PPP2R2C: variants seen among roughly 807,000 people sequenced by gnomAD.
PPP2R2C encodes protein phosphatase 2, regulatory subunit B, gamma.
A neutral mutation model predicts 45.3 loss-of-function variants in PPP2R2C; 10 were observed. That is an observed-to-expected ratio of 0.22 (90% CI 0.14 to 0.37). The LOEUF is 0.37. Among genes scored for constraint, PPP2R2C ranks in the 10% least tolerant of loss-of-function variants. PPP2R2C has a pLI of 1.00. For missense variants in PPP2R2C, 308 were observed against 619.7 expected (o/e 0.50, Z 5.34); for synonymous variants, 257 against 245.4 (o/e 1.05, Z -0.44).
intron 2 of PPP2R2C, among the ~76,000 whole-genome samples, chr4:6,528,907 C>T (rs945922640): frequency 6.6e-6 from 1 of 152,232 alleles, no homozygotes; most frequent in Non-Finnish European, 1.5e-5. Context: ...CCCCTATCTC[C>T]CTTTGCTGAC....
chr4:6,350,915 G>A (rs1025399264), intron 5 of PPP2R2C: 5 of 985,404 alleles, frequency 5.1e-6, no homozygotes, highest in Non-Finnish European at 6.0e-6. Flanking sequence ...CCTTCAGGTT[G>A]TTTGCTACCA....
rs1048844460 is a variant in PPP2R2C, at chr4:6,563,254, A to G, written c.-59+306T>C. ...CGCGCGGCGAGCAAGTGCTGGAGGC[A>G]GGGTTCCAAGCCGGTTCTGTCGGGT... On this transcript the variant is annotated intron_variant, in intron 1 of 9. Transcript: ENST00000506140. This position sits in a 1 kb window ranked among gnomAD's most constrained non-coding sequence, Gnocchi z 5.8. Among the ~76,000 whole-genome samples the G allele has an allele frequency of 6.6e-6, 1 of 151,604 alleles. No homozygotes were observed. Among genetic ancestry groups the G allele is most frequent in the Non-Finnish European group, 1.5e-5 (1 of 67,824 alleles).
intron 1 of PPP2R2C, among the ~76,000 whole-genome samples, chr4:6,559,395 G>GCACACACACACACA (rs58400617): frequency 1.2e-4 from 18 of 144,866 alleles, no homozygotes; most frequent in African/African-American, 4.5e-4. Context: ...AAAATACACA[G>GCACACACACACACA]CACACACACA....
chr4:6,546,576 C>T (rs1037528899), intron 1 of PPP2R2C, among the ~76,000 whole-genome samples: 4 of 152,312 alleles, frequency 2.6e-5, no homozygotes, highest in South Asian at 2.1e-4. Flanking sequence ...GGCCTGCACC[C>T]TTCACTAAGC....
At chr4:6,515,821 G>C (rs1022890986) in intron 2 of PPP2R2C, among the ~76,000 whole-genome samples, 12 of 152,216 alleles carry the variant, frequency 7.9e-5, no homozygotes, top group African/African-American at 2.7e-4. Flanking sequence ...CCAAGATCGA[G>C]GTGTCCGGCA....
chr4:6,358,384 T>C (rs865922547), intron 5 of PPP2R2C, among the ~76,000 whole-genome samples: 1 of 151,722 alleles, frequency 6.6e-6, no homozygotes, highest in Non-Finnish European at 1.5e-5. Context: ...AGAAAAACCA[T>C]AGAAAAAAAT....
chr4:6,454,530 T>C (rs553846939), intron 1 of PPP2R2C, among the ~76,000 whole-genome samples: 2 of 152,268 alleles, frequency 1.3e-5, no homozygotes, highest in East Asian at 3.9e-4. Flanking sequence ...GCAGAAAATG[T>C]GTGAGTGAGA....
In PPP2R2C at chr4:6,345,451, C is replaced by T. The variant is rs1711772077; in HGVS notation, c.790+2395G>A. Among the ~76,000 whole-genome samples, 1 of 152,150 alleles carries T rather than the reference C, an allele frequency of 6.6e-6. No individual in the cohort carries two copies. Among genetic ancestry groups the T allele is most frequent in the Non-Finnish European group, 1.5e-5 (1 of 68,030 alleles). ...AGATGAAATCAAGGACGCAACTCAG[C>T]CAACCTTGAGATGAGGAAGTCATCC... On this transcript the variant is annotated intron_variant, in intron 6 of 8. Transcript: ENST00000382599. This position sits in a 1 kb window ranked among gnomAD's most constrained non-coding sequence, Gnocchi z 5.3.
intron 1 of PPP2R2C, among the ~76,000 whole-genome samples, chr4:6,463,741 C>T (rs1422687563): frequency 6.6e-6 from 1 of 152,242 alleles, no homozygotes; most frequent in Admixed American, 6.5e-5. Context: ...CACATCATCA[C>T]CCCCCAACCT....
chr4:6,383,284 C>T, intron 1 of PPP2R2C: 1 of 1,254,672 alleles, frequency 8.0e-7, no homozygotes, highest in Non-Finnish European at 1.0e-6. Flanking sequence ...CCCCACTGAC[C>T]CACAGAGCAG....
intron 2 of PPP2R2C, among the ~76,000 whole-genome samples, chr4:6,501,299 TG>T (rs148173083): frequency 1.6e-4 from 24 of 152,254 alleles, no homozygotes; most frequent in African/African-American, 5.8e-4. Context: ...TGGGACCTGA[TG>T]GGCTGGCACA....
intron 1 of PPP2R2C, among the ~76,000 whole-genome samples, chr4:6,457,640 C>T (rs532117809): frequency 5.9e-4 from 90 of 152,282 alleles, no homozygotes; most frequent in Admixed American, 2.0e-3. Context: ...TCCCAAAGTG[C>T]TTGGATTACA....
At chr4:6,375,680 G>A (rs917509431) in intron 4 of PPP2R2C, 139 bp downstream of exon 4, 10 of 668,522 alleles carry the variant, frequency 1.5e-5, no homozygotes, top group Admixed American at 2.9e-5. Context: ...GCAGGAAGAC[G>A]CCCGTGGCCG....
chr4:6,398,569 C>CA (rs2109345585), intron 1 of PPP2R2C, among the ~76,000 whole-genome samples: 1 of 152,212 alleles, frequency 6.6e-6, no homozygotes, highest in African/African-American at 2.4e-5. Context: ...GTACACCCAT[C>CA]AGAGTGGCGA....
chr4:6,444,744 G>T (rs865961150), intron 1 of PPP2R2C, among the ~76,000 whole-genome samples: 1 of 152,232 alleles, frequency 6.6e-6, no homozygotes, highest in Non-Finnish European at 1.5e-5. Context: ...GCGATGCCTG[G>T]CCAGGCAGAT....
intron 2 of PPP2R2C, among the ~76,000 whole-genome samples, chr4:6,524,041 G>A (rs1332840492): frequency 3.3e-5 from 5 of 151,972 alleles, no homozygotes; most frequent in Non-Finnish European, 5.9e-5. Flanking sequence ...AGCCTCCCTA[G>A]TAGCTGGGAT....
intron 6 of PPP2R2C, among the ~76,000 whole-genome samples, chr4:6,343,895 A>G (rs1212264554): frequency 6.6e-6 from 1 of 152,202 alleles, no homozygotes; most frequent in African/African-American, 2.4e-5. Flanking sequence ...AAGAAAAGAA[A>G]ATTATAAACC....
intron 1 of PPP2R2C, among the ~76,000 whole-genome samples, chr4:6,418,680 A>G (rs1279803187): frequency 6.6e-6 from 1 of 152,216 alleles, no homozygotes; most frequent in African/African-American, 2.4e-5. Context: ...ACTCAGCCAG[A>G]GTCCTGTGCT....
chr4:6,388,831 G>C (rs1335185476), intron 1 of PPP2R2C, among the ~76,000 whole-genome samples: 1 of 151,142 alleles, frequency 6.6e-6, no homozygotes, highest in Non-Finnish European at 1.5e-5. Flanking sequence ...CCAGAACTGT[G>C]AGAGAACAAA....
Sources: allele counts gnomAD v4.1 joint callset (sites outside exome capture counted in the v4.1 genomes callset), GRCh38; gene constraint gnomAD v4.1.1; non-coding constraint Gnocchi (gnomAD v3.1); transcripts MANE v1.5; gene names NCBI Gene and HGNC (gene_info 2026-07-23, HGNC 2026-07-21).